The following SOS2 variants were observed in gnomAD, a reference collection of about 807,000 sequenced individuals.
The protein encoded by SOS2 is SOS Ras/Rho guanine nucleotide exchange factor 2.
In SOS2, 65 loss-of-function variants were observed where a neutral mutation model predicts 148.2. The ratio of observed to expected loss-of-function variants is 0.44; its 90% CI spans 0.36 to 0.54. SOS2 has a LOEUF of 0.54. Among genes scored for constraint, SOS2 ranks in the 20% least tolerant of loss-of-function variants. The probability of loss-of-function intolerance (pLI) is 0.00; values close to 1 mark genes in which losing one functional copy is unlikely to be tolerated. For synonymous variants in SOS2, 539 were observed against 537.1 expected, an observed-to-expected ratio of 1.00 and a Z score of -0.05; for missense variants, 1,341 against 1,590.2, an observed-to-expected ratio of 0.84 and a Z score of 2.67.
intron 8 of SOS2, among the ~76,000 whole-genome samples, chr14:50,164,853 A>G (rs2139647410): frequency 6.6e-6 from 1 of 152,244 alleles, no homozygotes; most frequent in Admixed American, 6.5e-5. Context: ...TGAAATATCA[A>G]ATTTATAGAA....
At chr14:50,173,975 T>A (rs926124489) in intron 8 of SOS2, among the ~76,000 whole-genome samples, 17 of 151,820 alleles carry the variant, frequency 1.1e-4, no homozygotes, top group African/African-American at 3.6e-4. Context: ...TTAAAAAAAA[T>A]TTTCCCCTAC....
chr14:50,191,068 C>T (rs920396793), intron 4 of SOS2, among the ~76,000 whole-genome samples: 1 of 152,168 alleles, frequency 6.6e-6, no homozygotes, highest in Non-Finnish European at 1.5e-5. Flanking sequence ...TAAAACTGCT[C>T]TCACTATTGA....
chr14:50,183,241 A>G (rs573261014), intron 5 of SOS2, among the ~76,000 whole-genome samples: 6 of 152,282 alleles, frequency 3.9e-5, no homozygotes, highest in Non-Finnish European at 4.4e-5. Flanking sequence ...ATAGTTTAGT[A>G]TGCATTATTC....
intron 1 of SOS2, among the ~76,000 whole-genome samples, chr14:50,228,549 T>C (rs1348598534): frequency 6.6e-6 from 1 of 152,328 alleles, no homozygotes; most frequent in East Asian, 1.9e-4. Flanking sequence ...TCAAAATAAT[T>C]GATACATGTT....
chr14:50,143,614 G>A (rs1884368300), intron 16 of SOS2, among the ~76,000 whole-genome samples: 1 of 151,882 alleles, frequency 6.6e-6, no homozygotes, highest in Admixed American at 6.6e-5. Flanking sequence ...ACTAATTTTT[G>A]TACTTTTAGT....
chr14:50,177,880 T>C (rs1300533864), intron 7 of SOS2, among the ~76,000 whole-genome samples: 2 of 152,152 alleles, frequency 1.3e-5, no homozygotes, highest in Admixed American at 6.5e-5. Flanking sequence ...CAGCTGGTTA[T>C]ATGAAAGTGT....
intron 5 of SOS2, among the ~76,000 whole-genome samples, chr14:50,185,246 T>G (rs1159059358): frequency 6.6e-6 from 1 of 152,000 alleles, no homozygotes; most frequent in African/African-American, 2.4e-5. Context: ...GAGTCCTTAA[T>G]CTGTGAGATC....
intron 8 of SOS2, among the ~76,000 whole-genome samples, chr14:50,168,474 A>T (rs1254716703): frequency 6.6e-6 from 1 of 152,104 alleles, no homozygotes; most frequent in African/African-American, 2.4e-5. Flanking sequence ...CTTTCACCTC[A>T]GCCTCCCAAA....
chr14:50,210,582 TTTAAGAAA>T (rs1197548942), intron 1 of SOS2, among the ~76,000 whole-genome samples: 1 of 152,012 alleles, frequency 6.6e-6, no homozygotes, highest in African/African-American at 2.4e-5. Flanking sequence ...AAAAGACATC[TTTAAGAAA>T]GTAAAAAGGC....
intron 8 of SOS2, among the ~76,000 whole-genome samples, chr14:50,170,334 GA>G (rs897914916): frequency 2.0e-4 from 31 of 151,272 alleles, no homozygotes; most frequent in Admixed American, 6.6e-4. Context: ...AGAAGGAAAA[GA>G]AAAAAAATCA....
intron 8 of SOS2, among the ~76,000 whole-genome samples, chr14:50,170,882 G>A (rs1885339342): frequency 6.6e-6 from 1 of 150,784 alleles, no homozygotes; most frequent in African/African-American, 2.4e-5. Context: ...GGAGGATGAG[G>A]CAGGTGGATC....
intron 4 of SOS2, among the ~76,000 whole-genome samples, chr14:50,197,879 C>T (rs1363250728): frequency 4.0e-5 from 6 of 151,634 alleles, no homozygotes; most frequent in South Asian, 4.2e-4. Flanking sequence ...TTAGTAGAGA[C>T]GGGGTTTTGC....
In SOS2 at chr14:50,161,559, T is replaced by C. The variant is rs776665041; in HGVS notation, c.1119A>G (p.Gln373=). Reference sequence around the variant, plus strand: ...GGAGATTCATGAGAGCAGTAATAGCTTGGTTCAAACATTCTCTGTCTTCTT... The same window carrying C: ...GGAGATTCATGAGAGCAGTAATAGCCTGGTTCAAACATTCTCTGTCTTCTT... ...EEQEDRECLN[Q]AITALMNLQG... Residue 373 remains glutamine, a synonymous_variant, in exon 9 of 23, where the codon CAA becomes CAG. Coordinates refer to ENST00000216373, the MANE Select transcript of SOS2 (RefSeq NM_006939.4). 7.4e-6 allele frequency: 12 copies of C among 1,612,636 alleles called. No homozygotes were observed. The highest frequency in any genetic ancestry group is 9.3e-6 in the Non-Finnish European group (11 of 1,178,886).
rs537805191 is a variant in SOS2 at position 50,224,258 on chromosome 14, T to C, written c.87+6939A>G. Among the ~76,000 whole-genome samples, 7 of 142,578 alleles carry C rather than the reference T, an allele frequency of 4.9e-5. 1 individual carries two copies. The South Asian group carries it at 1.5e-3, about 31-fold the overall frequency. The allele number at this position is 142,578 out of a possible 152,430, so 93.5% of individuals were successfully genotyped here. A position where few individuals can be genotyped will look rare whatever the true frequency, so the allele number is the denominator to read the frequency against. On this transcript the variant is annotated intron_variant, in intron 1 of 22. Transcript: ENST00000216373. ...GTGAGCCAAGATCGCACCACTGCAC[T>C]CCAGCCTGGGTGACAGAGCAAGACT...
intron 21 of SOS2, among the ~76,000 whole-genome samples, chr14:50,128,077 C>G (rs1883739136): frequency 6.6e-6 from 1 of 152,096 alleles, no homozygotes; most frequent in Non-Finnish European, 1.5e-5. Context: ...TCTCACGTAG[C>G]TACTAAAGGA....
intron 1 of SOS2, among the ~76,000 whole-genome samples, chr14:50,213,934 C>T (rs989082292): frequency 3.3e-5 from 5 of 151,102 alleles, no homozygotes; most frequent in African/African-American, 7.3e-5. Context: ...AAATCCTTAC[C>T]CTCCGTGGTA....
intron 2 of SOS2, among the ~76,000 whole-genome samples, chr14:50,202,458 C>T (rs923100883): frequency 6.6e-6 from 1 of 152,202 alleles, no homozygotes; most frequent in African/African-American, 2.4e-5. Context: ...AGAGGCTGGG[C>T]ATGGTGGCCC....
chr14:50,182,411 T>C, intron 6 of SOS2, 52 bp downstream of exon 6: 3 of 1,535,548 alleles, frequency 2.0e-6, no homozygotes, highest in Admixed American at 3.5e-5. Context: ...CTAAGTTTCT[T>C]ACTACAGCAT....
intron 16 of SOS2, 34 bp downstream of exon 16, chr14:50,145,136 C>T (rs749497223): frequency 2.2e-5 from 28 of 1,282,836 alleles, no homozygotes; most frequent in East Asian, 1.1e-4. Context: ...TCATCATCCC[C>T]GAGAAAAATG....
Sources: gnomAD v4.1 joint callset for allele counts (sites outside exome capture counted in the v4.1 genomes callset) on GRCh38, gnomAD v4.1.1 for gene constraint, MANE v1.5 for transcripts, NCBI Gene and HGNC (gene_info 2026-07-23, HGNC 2026-07-21) for gene names.